UBE2R2: variants seen among roughly 807,000 people sequenced by gnomAD.
The protein encoded by UBE2R2 is ubiquitin-conjugating enzyme E2 R2.
UBE2R2 carries 1 observed loss-of-function variant against 27.8 expected under a neutral mutation model. The observed-to-expected ratio is 0.04, with a 90% CI of 0.01 to 0.17. UBE2R2 has a LOEUF of 0.17. Among genes scored for constraint, UBE2R2 ranks in the 10% least tolerant of loss-of-function variants. The pLI is 1.00. For synonymous variants in UBE2R2, 106 were observed against 113.3 expected (o/e 0.94, Z 0.41); for missense variants, 100 against 291.0 (o/e 0.34, Z 4.78).
At chr9:33,888,766 C>CT (rs1821918817) in intron 2 of UBE2R2, among the ~76,000 whole-genome samples, 1 of 152,224 alleles carries the variant, frequency 6.6e-6, no homozygotes, top group Non-Finnish European at 1.5e-5. Context: ...ATCCACCTGC[C>CT]TTGGCCTCCC....
chr9:33,850,241 A>T (rs1216441208), intron 1 of UBE2R2, among the ~76,000 whole-genome samples: 1 of 152,202 alleles, frequency 6.6e-6, no homozygotes, highest in African/African-American at 2.4e-5. Flanking sequence ...TCCAGTAATT[A>T]GACCATTAAG....
At chr9:33,890,228 C>A (rs372932204) in intron 2 of UBE2R2, among the ~76,000 whole-genome samples, 10 of 152,172 alleles carry the variant, frequency 6.6e-5, no homozygotes, top group African/African-American at 2.4e-4. Context: ...AATTTTTCTA[C>A]AATAAAATGC....
At chr9:33,849,681 A>G (rs1348524554) in intron 1 of UBE2R2, among the ~76,000 whole-genome samples, 1 of 127,084 alleles carries the variant, frequency 7.9e-6, no homozygotes, top group Non-Finnish European at 1.7e-5. Flanking sequence ...GTGAAACCTC[A>G]TCTCTACTTA....
chr9:33,917,151 T>C lies in UBE2R2; in HGVS notation c.631T>C (p.Tyr211His). Residue 211 changes from tyrosine (Y) to histidine (H), a missense_variant, in exon 5 of 5, where the codon TAT becomes CAT. This residue lies in a region of UBE2R2 where 55 missense variants were observed against 122.6 expected (regional missense o/e 0.45). Transcript: ENST00000263228. ...NSSDLLYDDL[Y>H]DDDIDDEDEE... is the part of the protein sequence containing the mutation. ...CTCAGATTTGCTTTACGACGACTTG[T>C]ATGATGACGACATTGATGATGAAGA... is the stretch of plus-strand genomic sequence containing the variant. 1 of 1,614,198 alleles carries C rather than the reference T, an allele frequency of 6.2e-7. No individual in the cohort carries two copies. The highest frequency in any genetic ancestry group is 2.2e-5 in the East Asian group (1 of 44,876).
At chr9:33,901,174 G>A (rs948643781) in intron 3 of UBE2R2, among the ~76,000 whole-genome samples, 1 of 152,032 alleles carries the variant, frequency 6.6e-6, no homozygotes, top group African/African-American at 2.4e-5. Context: ...ATTTTGGGGG[G>A]TACTGATCAG....
intron 1 of UBE2R2, among the ~76,000 whole-genome samples, chr9:33,833,225 T>A (rs763714957): frequency 6.6e-6 from 1 of 152,074 alleles, no homozygotes; most frequent in Non-Finnish European, 1.5e-5. Context: ...CCACCGTGCC[T>A]GGCTAATTTT....
chr9:33,858,303 G>A (rs753614505), intron 1 of UBE2R2, among the ~76,000 whole-genome samples: 2 of 152,150 alleles, frequency 1.3e-5, no homozygotes, highest in African/African-American at 4.8e-5. Context: ...CTTCTGTCCC[G>A]TCTTTACATT....
intron 1 of UBE2R2, among the ~76,000 whole-genome samples, chr9:33,824,802 CAAAAA>C (rs1172352568): frequency 2.6e-5 from 2 of 77,030 alleles, no homozygotes; most frequent in African/African-American, 4.4e-5. Context: ...AGCTCTGTCT[CAAAAA>C]AAAAAAAAAA....
intron 1 of UBE2R2, among the ~76,000 whole-genome samples, chr9:33,863,453 A>T (rs760022564): frequency 6.6e-6 from 1 of 151,972 alleles, no homozygotes; most frequent in Non-Finnish European, 1.5e-5. Flanking sequence ...CAGAGGTTGC[A>T]GTGAGCCGAG....
chr9:33,893,761 A>G (rs1822037450), intron 2 of UBE2R2, among the ~76,000 whole-genome samples: 1 of 152,126 alleles, frequency 6.6e-6, no homozygotes. Context: ...CCACCCAAGT[A>G]GCTGGGATTA....
intron 2 of UBE2R2, among the ~76,000 whole-genome samples, chr9:33,889,806 C>T (rs995536506): frequency 1.3e-5 from 2 of 152,092 alleles, no homozygotes; most frequent in African/African-American, 4.8e-5. Flanking sequence ...GCCCCAGCCT[C>T]CTGAGTAGCT....
At chr9:33,895,197 T>C (rs1564002641) in intron 2 of UBE2R2, among the ~76,000 whole-genome samples, 1 of 152,234 alleles carries the variant, frequency 6.6e-6, no homozygotes, top group Non-Finnish European at 1.5e-5. Flanking sequence ...TATTTCCAAG[T>C]CTTTGATCTA....
At chr9:33,855,875 C>T (rs1338135607) in intron 1 of UBE2R2, among the ~76,000 whole-genome samples, 1 of 152,098 alleles carries the variant, frequency 6.6e-6, no homozygotes, top group African/African-American at 2.4e-5. Context: ...CCCAGGAGTT[C>T]GAAATCAGCC....
At chr9:33,856,711 T>C (rs958096401) in intron 1 of UBE2R2, among the ~76,000 whole-genome samples, 4 of 151,768 alleles carry the variant, frequency 2.6e-5, no homozygotes, top group African/African-American at 9.7e-5. Flanking sequence ...AAGTTTTCTT[T>C]TTTTTTTTCT....
At chr9:33,822,731 T>C (rs1262803560) in intron 1 of UBE2R2, among the ~76,000 whole-genome samples, 1 of 127,242 alleles carries the variant, frequency 7.9e-6, no homozygotes, top group Non-Finnish European at 1.9e-5. Flanking sequence ...AGCCAAATAA[T>C]TTTTTTTTTA....
intron 1 of UBE2R2, among the ~76,000 whole-genome samples, chr9:33,880,725 C>T (rs1048259941): frequency 1.3e-5 from 2 of 152,178 alleles, no homozygotes; most frequent in African/African-American, 4.8e-5. Flanking sequence ...GTAGGCCGCA[C>T]AGCAGGAGGT....
At chr9:33,871,512 G>A (rs1821482797) in intron 1 of UBE2R2, among the ~76,000 whole-genome samples, 1 of 152,172 alleles carries the variant, frequency 6.6e-6, no homozygotes, top group Admixed American at 6.6e-5. Context: ...TAATGGTACA[G>A]AAATGTATTT....
chr9:33,870,579 T>C (rs1821465821), intron 1 of UBE2R2, among the ~76,000 whole-genome samples: 1 of 152,118 alleles, frequency 6.6e-6, no homozygotes, highest in Admixed American at 6.6e-5. Flanking sequence ...GTTAGAGCAT[T>C]AGGAGACAGT....
At chr9:33,868,969 A>G (rs1009924717) in intron 1 of UBE2R2, among the ~76,000 whole-genome samples, 5 of 152,182 alleles carry the variant, frequency 3.3e-5, no homozygotes, top group African/African-American at 1.2e-4. Context: ...TTCATTATTC[A>G]TATGTAATTG....
Sources: allele counts gnomAD v4.1 joint callset (sites outside exome capture counted in the v4.1 genomes callset), GRCh38; gene constraint gnomAD v4.1.1; regional missense constraint gnomAD v4.1.1; transcripts MANE v1.5; gene names NCBI Gene and HGNC (gene_info 2026-07-23, HGNC 2026-07-21).